SYN3: variants seen among roughly 807,000 people sequenced by gnomAD.
The protein encoded by SYN3 is synapsin-3.
SYN3 carries 35 observed loss-of-function variants against 65.8 expected under a neutral mutation model. The ratio of observed to expected loss-of-function variants is 0.53; its 90% CI spans 0.41 to 0.70. SYN3 has a LOEUF of 0.70. Among genes scored for constraint, SYN3 ranks in the 30% least tolerant of loss-of-function variants. The pLI is 0.00. For synonymous variants in SYN3, 270 were observed against 292.9 expected, an observed-to-expected ratio of 0.92 and a Z score of 0.80; for missense variants, 680 against 749.0, an observed-to-expected ratio of 0.91 and a Z score of 1.08.
chr22:33,000,244 G>A (rs2053018417), intron 2 of SYN3, among the ~76,000 whole-genome samples: 1 of 152,106 alleles, frequency 6.6e-6, no homozygotes, highest in South Asian at 2.1e-4. Context: ...CCATCCCAGA[G>A]GAGAGCATCA....
chr22:32,818,308 A>C (rs1054198903), intron 6 of SYN3, among the ~76,000 whole-genome samples: 1 of 152,146 alleles, frequency 6.6e-6, no homozygotes, highest in Non-Finnish European at 1.5e-5. Flanking sequence ...CATCCAGCCT[A>C]TGCGGTCCAT....
chr22:32,773,439 G>A lies in SYN3; in HGVS notation c.711+91476C>T, dbSNP rs988401594. On this transcript the variant is annotated intron_variant, in intron 6 of 13. Transcript: ENST00000358763. The stretch of plus-strand genomic sequence containing the variant: ...AAAAAAAAAAAAAAAAAAAAAGAAC[G>A]CAACAGTGACAGTAGTGATTCAGCT... Among the ~76,000 whole-genome samples the A allele has an allele frequency of 8.9e-5, 13 of 146,274 alleles. 1 individual carries two copies. Among genetic ancestry groups the A allele is most frequent in the East Asian group, 4.1e-4 (2 of 4,824 alleles).
intron 6 of SYN3, among the ~76,000 whole-genome samples, chr22:32,734,354 A>G (rs930003693): frequency 2.0e-5 from 3 of 152,098 alleles, no homozygotes; most frequent in African/African-American, 7.2e-5. Context: ...CAGGGGGGAG[A>G]GAGTATGGGC....
chr22:32,809,185 G>A (rs1037909351), intron 6 of SYN3, among the ~76,000 whole-genome samples: 2 of 152,198 alleles, frequency 1.3e-5, no homozygotes, highest in East Asian at 3.8e-4. Context: ...GAAGCCAAAT[G>A]GCTTGCCCAA....
intron 6 of SYN3, among the ~76,000 whole-genome samples, chr22:32,854,928 T>A (rs1293636948): frequency 6.6e-6 from 1 of 152,168 alleles, no homozygotes; most frequent in Non-Finnish European, 1.5e-5. Context: ...GTGGACCACC[T>A]ACCCCCGCCA....
intron 2 of SYN3, among the ~76,000 whole-genome samples, chr22:32,999,754 G>A (rs959542729): frequency 6.6e-6 from 1 of 152,206 alleles, no homozygotes; most frequent in Non-Finnish European, 1.5e-5. Context: ...GGCAGAACTA[G>A]AGGGAGGGCA....
At chr22:32,815,159 C>A (rs2047054830) in intron 6 of SYN3, among the ~76,000 whole-genome samples, 1 of 152,236 alleles carries the variant, frequency 6.6e-6, no homozygotes, top group Admixed American at 6.5e-5. Context: ...TTCCCCTCCC[C>A]ATTTCTAGTT....
At chr22:32,812,951 G>A (rs2046953590) in intron 6 of SYN3, among the ~76,000 whole-genome samples, 1 of 152,208 alleles carries the variant, frequency 6.6e-6, no homozygotes, top group Admixed American at 6.5e-5. Context: ...CCAGGGTGCA[G>A]TTCTGAACAA....
chr22:32,878,531 A>T (rs1367463394), intron 4 of SYN3, among the ~76,000 whole-genome samples: 5 of 151,988 alleles, frequency 3.3e-5, no homozygotes. Flanking sequence ...CTGAGTGTTG[A>T]GTGTTATGTG....
intron 6 of SYN3, among the ~76,000 whole-genome samples, chr22:32,665,148 C>T (rs2147031963): frequency 6.6e-6 from 1 of 151,970 alleles, no homozygotes; most frequent in South Asian, 2.1e-4. Context: ...CAGGCATGTT[C>T]CACCACGCCT....
intron 3 of SYN3, among the ~76,000 whole-genome samples, chr22:32,941,483 T>G (rs1601743899): frequency 6.6e-6 from 1 of 152,184 alleles, no homozygotes; most frequent in Admixed American, 6.5e-5. Flanking sequence ...CCAAGATGGC[T>G]GAATAGGAAC....
chr22:32,984,817 A>G (rs2145676675), intron 2 of SYN3, among the ~76,000 whole-genome samples: 2 of 152,214 alleles, frequency 1.3e-5, no homozygotes, highest in East Asian at 3.9e-4. Flanking sequence ...TACAATCACC[A>G]GCATACTGGG....
intron 10 of SYN3, among the ~76,000 whole-genome samples, chr22:32,532,177 G>A (rs1405036786): frequency 1.3e-5 from 2 of 152,302 alleles, no homozygotes; most frequent in Non-Finnish European, 2.9e-5. Context: ...TGGCTTGGGG[G>A]CTGGCTCCTG....
At chr22:33,002,061 C>A (rs530088446) in intron 2 of SYN3, among the ~76,000 whole-genome samples, 1 of 152,284 alleles carries the variant, frequency 6.6e-6, no homozygotes, top group East Asian at 1.9e-4. Context: ...TTGTTCAGGG[C>A]AGAGGGCCTA....
chr22:32,632,185 G>A (rs543084419), intron 6 of SYN3, among the ~76,000 whole-genome samples: 103 of 152,244 alleles, frequency 6.8e-4, no homozygotes, highest in Non-Finnish European at 1.4e-3. Flanking sequence ...GGAGCCCTGG[G>A]TGTTCCAGCA....
chr22:32,659,229 A>G (rs4820086), intron 6 of SYN3, among the ~76,000 whole-genome samples: 152,254 of 152,290 alleles, frequency 1, 76,109 homozygotes, highest in Middle Eastern at 1. Flanking sequence ...TTATCTAAGA[A>G]GCAATAGGGA....
chr22:32,804,489 A>C (rs2046673070), intron 6 of SYN3, among the ~76,000 whole-genome samples: 1 of 152,214 alleles, frequency 6.6e-6, no homozygotes, highest in South Asian at 2.1e-4. Context: ...TGTTCACATC[A>C]GCCCATCAAC....
intron 6 of SYN3, among the ~76,000 whole-genome samples, chr22:32,806,141 G>A (rs1046249325): frequency 6.6e-6 from 1 of 152,018 alleles, no homozygotes; most frequent in Non-Finnish European, 1.5e-5. Context: ...GGTGGGATCA[G>A]TTAGGGCTCC....
chr22:32,896,942 T>C (rs1417787727), intron 4 of SYN3, among the ~76,000 whole-genome samples: 1 of 152,190 alleles, frequency 6.6e-6, no homozygotes, highest in Non-Finnish European at 1.5e-5. Context: ...TCCCCAGTGA[T>C]GTTTGGTAAC....
Sources: allele counts gnomAD v4.1 joint callset (sites outside exome capture counted in the v4.1 genomes callset), GRCh38; gene constraint gnomAD v4.1.1; transcripts MANE v1.5; gene names NCBI Gene and HGNC (gene_info 2026-07-23, HGNC 2026-07-21).